PCDH15: variants seen among roughly 807,000 people sequenced by gnomAD.
The protein encoded by PCDH15 is protocadherin-15.
A neutral mutation model predicts 178.5 loss-of-function variants in PCDH15; 129 were observed. The ratio of observed to expected loss-of-function variants is 0.72; its 90% CI spans 0.63 to 0.84. The LOEUF (loss-of-function observed/expected upper bound fraction) is 0.84. Ranked by LOEUF, PCDH15 falls within the 40% of genes least tolerant of loss-of-function variation. PCDH15 has a pLI of 0.00. For synonymous variants in PCDH15, 800 were observed against 732.0 expected (o/e 1.09, Z -1.50); for missense variants, 2,230 against 2,099.9 (o/e 1.06, Z -1.21).
intron 2 of PCDH15, among the ~76,000 whole-genome samples, chr10:55,388,548 T>C (rs1837716859): frequency 6.6e-6 from 1 of 152,086 alleles, no homozygotes. Flanking sequence ...ACAGGGTTTT[T>C]AGATTTTGCT....
intron 2 of PCDH15, 54 bp downstream of exon 2, chr10:54,664,118 T>A (rs916844479): frequency 4.7e-6 from 6 of 1,277,314 alleles, no homozygotes; most frequent in Non-Finnish European, 6.8e-6. Context: ...ATATTTTCAA[T>A]GTAATAATAA....
intron 15 of PCDH15, among the ~76,000 whole-genome samples, chr10:54,120,709 A>G (rs1001699765): frequency 1.9e-4 from 29 of 152,228 alleles, no homozygotes; most frequent in Non-Finnish European, 2.9e-5. Context: ...AAGGAACTAC[A>G]TAATGATAAA....
At chr10:54,235,914 G>A (rs571023302) in intron 9 of PCDH15, among the ~76,000 whole-genome samples, 23 of 152,214 alleles carry the variant, frequency 1.5e-4, no homozygotes, top group African/African-American at 5.3e-4. Flanking sequence ...TCTTTATAAA[G>A]ACCAAAGGCT....
At chr10:53,851,282 A>G (rs1249054962) in intron 28 of PCDH15, among the ~76,000 whole-genome samples, 1 of 152,104 alleles carries the variant, frequency 6.6e-6, no homozygotes, top group Non-Finnish European at 1.5e-5. Context: ...TACAGTTATC[A>G]CTACATAACT....
intron 5 of PCDH15, among the ~76,000 whole-genome samples, chr10:54,363,301 T>C (rs546938012): frequency 1.3e-5 from 2 of 152,298 alleles, no homozygotes; most frequent in African/African-American, 4.8e-5. Flanking sequence ...TCATAAAATA[T>C]GCAGGTCATT....
intron 25 of PCDH15, chr10:53,906,956 C>A (rs2082725270): frequency 1.3e-5 from 2 of 152,036 alleles, no homozygotes; most frequent in African/African-American, 4.8e-5. Context: ...TGAGAAGTCA[C>A]TGGGACAATT....
chr10:54,093,823 T>A (rs2094644703), intron 15 of PCDH15, among the ~76,000 whole-genome samples: 2 of 152,196 alleles, frequency 1.3e-5, no homozygotes, highest in Non-Finnish European at 2.9e-5. Flanking sequence ...GAAAGATGCA[T>A]CTTTTTTATC....
Position 53,824,987 on chromosome 10 carries a change from G to A in PCDH15, c.4367+2406C>T, listed in dbSNP as rs923144834. ...GCTCATGCCATCAAAAGGAAATTGG[G>A]TGTGGAAGACAAAACTTTCCTTTTA... On this transcript the variant is annotated intron_variant, in intron 32 of 37. Transcript: ENST00000644397. 3 of 959,850 alleles carry A rather than the reference G, an allele frequency of 3.1e-6. No individual in the cohort carries two copies. The African/African-American group carries it at 5.1e-5, about 16-fold the overall frequency. 59.5% of individuals were successfully genotyped at this position (959,850 alleles called of 1,614,324 possible).
intron 2 of PCDH15, among the ~76,000 whole-genome samples, chr10:55,437,961 C>T (rs1353043042): frequency 1.3e-5 from 2 of 151,450 alleles, no homozygotes; most frequent in African/African-American, 2.4e-5. Flanking sequence ...CCTCAGCCTC[C>T]CGGGTACCTA....
At chr10:54,868,627 G>T (rs1168376845) in intron 3 of PCDH15, among the ~76,000 whole-genome samples, 1 of 151,958 alleles carries the variant, frequency 6.6e-6, no homozygotes, top group Non-Finnish European at 1.5e-5. Context: ...TTCAAATCAG[G>T]CTACTTCTCT....
At chr10:55,410,946 T>C (rs543071926) in intron 2 of PCDH15, among the ~76,000 whole-genome samples, 1 of 152,206 alleles carries the variant, frequency 6.6e-6, no homozygotes, top group Non-Finnish European at 1.5e-5. Context: ...AGTTATTACT[T>C]TGAATGTGCC....
intron 3 of PCDH15, among the ~76,000 whole-genome samples, chr10:54,861,983 A>G (rs1361591464): frequency 6.6e-6 from 1 of 152,192 alleles, no homozygotes; most frequent in African/African-American, 2.4e-5. Context: ...ACTGGCTACA[A>G]TGATGTTAAG....
chr10:53,914,573 T>C (rs750111541), intron 25 of PCDH15, among the ~76,000 whole-genome samples: 5 of 151,968 alleles, frequency 3.3e-5, no homozygotes, highest in Admixed American at 1.3e-4. Context: ...ATGAGAACAC[T>C]TGGACACAGG....
At chr10:54,961,179 T>C (rs527452405) in intron 2 of PCDH15, among the ~76,000 whole-genome samples, 8 of 152,308 alleles carry the variant, frequency 5.3e-5, no homozygotes, top group African/African-American at 1.9e-4. Context: ...CGCTCCAGTG[T>C]GGAGCAAATT....
chr10:54,875,278 A>C (rs1954119584), intron 3 of PCDH15, among the ~76,000 whole-genome samples: 2 of 152,162 alleles, frequency 1.3e-5, no homozygotes, highest in Admixed American at 6.6e-5. Context: ...ATAAGACAGT[A>C]AACTTAATTG....
chr10:54,206,466 T>G (rs2050807330), intron 10 of PCDH15, among the ~76,000 whole-genome samples: 1 of 152,090 alleles, frequency 6.6e-6, no homozygotes, highest in Admixed American at 6.6e-5. Context: ...GTTTTATTTT[T>G]ATTATTTTAT....
intron 27 of PCDH15, 109 bp downstream of exon 27, chr10:53,866,533 G>A: frequency 1.3e-6 from 1 of 775,754 alleles, no homozygotes; most frequent in Non-Finnish European, 2.2e-6. Context: ...TAATAATTAT[G>A]TTTTTGAAAA....
intron 2 of PCDH15, among the ~76,000 whole-genome samples, chr10:54,571,055 A>G (rs539540060): frequency 2.6e-4 from 40 of 152,186 alleles, no homozygotes; most frequent in African/African-American, 8.9e-4. Context: ...AAAAGCCACC[A>G]GAAATGAGAT....
chr10:54,403,851 A>T (rs374739541), intron 3 of PCDH15, among the ~76,000 whole-genome samples: 33 of 150,012 alleles, frequency 2.2e-4, no homozygotes, highest in African/African-American at 6.9e-4. Context: ...CCACACACTC[A>T]CACACACACA....
Sources: allele counts gnomAD v4.1 joint callset (sites outside exome capture counted in the v4.1 genomes callset), GRCh38; gene constraint gnomAD v4.1.1; transcripts MANE v1.5; gene names NCBI Gene and HGNC (gene_info 2026-07-23, HGNC 2026-07-21).